Variants in CACNA1A observed in about 807,000 individuals in gnomAD.
CACNA1A encodes calcium voltage-gated channel subunit alpha1 A.
CACNA1A carries 57 observed loss-of-function variants against 262.4 expected under a neutral mutation model. The ratio of observed to expected loss-of-function variants is 0.22; its 90% confidence interval spans 0.18 to 0.27. CACNA1A has a LOEUF of 0.27. Among genes scored for constraint, CACNA1A ranks in the 10% least tolerant of loss-of-function variants. The probability of loss-of-function intolerance (pLI) is 1.00; values close to 1 mark genes in which losing one functional copy is unlikely to be tolerated. For missense variants in CACNA1A, 2,526 were observed against 3,562.8 expected (o/e 0.71, Z 7.41); for synonymous variants, 1,431 against 1,419.3 (o/e 1.01, Z -0.18).
intron 2 of CACNA1A, 137 bp from the exon 3 acceptor site, chr19:13,453,152 G>T: frequency 3.7e-6 from 3 of 819,236 alleles, no homozygotes; most frequent in Non-Finnish European, 5.8e-6. Flanking sequence ...ACCCCTCACT[G>T]CCTCTTGCAG....
intron 6 of CACNA1A, among the ~76,000 whole-genome samples, chr19:13,346,044 G>A (rs1362435276): frequency 6.6e-6 from 1 of 152,012 alleles, no homozygotes; most frequent in Non-Finnish European, 1.5e-5. Context: ...GAGAGTACAC[G>A]CGTGCATGAC....
At chr19:13,368,266 T>C (rs1289589688) in intron 4 of CACNA1A, among the ~76,000 whole-genome samples, 1 of 151,684 alleles carries the variant, frequency 6.6e-6, no homozygotes. Context: ...TACTGAGCTG[T>C]GATTGCACCA....
At chr19:13,395,699 C>T (rs1378237983) in intron 3 of CACNA1A, among the ~76,000 whole-genome samples, 3 of 152,000 alleles carry the variant, frequency 2.0e-5, no homozygotes, top group Non-Finnish European at 4.4e-5. Flanking sequence ...GAGGGTCCTG[C>T]CCCATACCCA....
intron 6 of CACNA1A, among the ~76,000 whole-genome samples, chr19:13,340,104 G>A (rs1418315762): frequency 5.3e-5 from 8 of 152,088 alleles, no homozygotes; most frequent in African/African-American, 9.7e-5. Flanking sequence ...GAGCCATCAC[G>A]AGGAGCAGGC....
At chr19:13,353,489 A>G (rs948353421) in intron 6 of CACNA1A, among the ~76,000 whole-genome samples, 1 of 152,104 alleles carries the variant, frequency 6.6e-6, no homozygotes, top group South Asian at 2.1e-4. Context: ...TTCTCCCAGC[A>G]GACGATTTTT....
chr19:13,253,196 T>G, intron 29 of CACNA1A, 95 bp from the exon 30 acceptor site: 2 of 754,214 alleles, frequency 2.7e-6, no homozygotes, highest in Non-Finnish European at 4.5e-6. Context: ...CAGGCAACAC[T>G]CCAGCCCCAG....
At chr19:13,344,732 T>C (rs1051198791) in intron 6 of CACNA1A, among the ~76,000 whole-genome samples, 1 of 97,270 alleles carries the variant, frequency 1.0e-5, no homozygotes, top group Admixed American at 1.2e-4. Context: ...TGGTGGATCA[T>C]TTATTTTATT....
chr19:13,281,051 C>T (rs2144859123), intron 22 of CACNA1A, among the ~76,000 whole-genome samples: 1 of 151,118 alleles, frequency 6.6e-6, no homozygotes, highest in South Asian at 2.1e-4. Context: ...GAAGAGCAAA[C>T]ATAAATTCAG....
At chr19:13,361,389 C>A (rs974868500) in intron 5 of CACNA1A, among the ~76,000 whole-genome samples, 4 of 152,164 alleles carry the variant, frequency 2.6e-5, no homozygotes, top group Admixed American at 6.6e-5. Flanking sequence ...CAGGAAAGCT[C>A]ACATCTGGGA....
chr19:13,462,447 C>T (rs1426462480), intron 1 of CACNA1A, among the ~76,000 whole-genome samples: 5 of 152,162 alleles, frequency 3.3e-5, no homozygotes, highest in Admixed American at 1.3e-4. Context: ...AGACATATTC[C>T]TTGGTCCATT....
intron 5 of CACNA1A, among the ~76,000 whole-genome samples, chr19:13,361,119 T>G (rs1319804882): frequency 1.3e-5 from 2 of 152,162 alleles, no homozygotes; most frequent in African/African-American, 4.8e-5. Context: ...CTTCTTGGGA[T>G]GTACTGGGCT....
chr19:13,324,595 T>C (rs565886767), intron 10 of CACNA1A, among the ~76,000 whole-genome samples: 274 of 152,200 alleles, frequency 1.8e-3, no homozygotes, highest in Non-Finnish European at 2.3e-3. Context: ...AATAAATTAA[T>C]AAAAAATCAT....
chr19:13,466,747 G>A (rs1256823081), intron 1 of CACNA1A, among the ~76,000 whole-genome samples: 6 of 151,888 alleles, frequency 4.0e-5, no homozygotes, highest in African/African-American at 1.5e-4. Context: ...GTGCACTTGT[G>A]AGAATTTTTC....
intron 3 of CACNA1A, among the ~76,000 whole-genome samples, chr19:13,412,469 CTTTT>C (rs914499263): frequency 1.3e-5 from 2 of 150,390 alleles, no homozygotes; most frequent in African/African-American, 5.0e-5. Context: ...TATAACCTTT[CTTTT>C]TTTTCTTTTC....
chr19:13,459,419 C>T (rs1012507552), intron 1 of CACNA1A, among the ~76,000 whole-genome samples: 5 of 152,184 alleles, frequency 3.3e-5, no homozygotes, highest in African/African-American at 9.7e-5. Context: ...CCTTTGCCTC[C>T]AGCTGAAAGC....
chr19:13,392,894 A>G (rs2059733789), intron 3 of CACNA1A, among the ~76,000 whole-genome samples: 1 of 152,194 alleles, frequency 6.6e-6, no homozygotes, highest in South Asian at 2.1e-4. Context: ...TTACAGGCAC[A>G]CGCCACCATG....
chr19:13,239,460 C>T (rs1299431296), intron 31 of CACNA1A, among the ~76,000 whole-genome samples: 1 of 152,188 alleles, frequency 6.6e-6, no homozygotes, highest in East Asian at 1.9e-4. Context: ...GCCTGCCTCC[C>T]CCACCTGACT....
intron 46 of CACNA1A, among the ~76,000 whole-genome samples, 192 bp downstream of exon 46, chr19:13,208,564 G>A (rs1479427561): frequency 6.6e-6 from 1 of 151,956 alleles, no homozygotes; most frequent in African/African-American, 2.4e-5. Flanking sequence ...GACAGCATAG[G>A]CAGCTGGTGT....
rs1347561457 is a variant in CACNA1A, at chr19:13,298,654, G to A, written c.2979C>T (p.Gly993=). Residue 993 remains glycine (G), a synonymous_variant, in exon 19 of 47, where the codon GGC becomes GGT. Coordinates refer to ENST00000360228, the MANE Select transcript of CACNA1A (RefSeq NM_001127222.2). ...SRPARGGEGE[G]EGPDGGERRR... ...TGCGCTCGCCCCCGTCGGGGCCCTC[G>A]CCCTCGCCCTCGCCGCCCCGGGCCG... is the stretch of plus-strand genomic sequence containing the variant. The A allele has an allele frequency of 4.0e-6, 6 of 1,502,462 alleles. No homozygotes were observed. Among genetic ancestry groups the A allele is most frequent in the Non-Finnish European group, 5.3e-6 (6 of 1,126,546 alleles). 93.1% of individuals were successfully genotyped at this position (1,502,462 alleles called of 1,614,324 possible).
Sources: allele counts gnomAD v4.1 joint callset (sites outside exome capture counted in the v4.1 genomes callset), GRCh38; gene constraint gnomAD v4.1.1; transcripts MANE v1.5; gene names NCBI Gene and HGNC (gene_info 2026-07-23, HGNC 2026-07-21).